ZNF746: variants seen among roughly 807,000 people sequenced by gnomAD.
ZNF746 encodes zinc finger protein 746, also known as parkin-interacting substrate.
In ZNF746, 13 loss-of-function variants were observed where a neutral mutation model predicts 41.0. The observed-to-expected ratio is 0.32, with a 90% CI of 0.21 to 0.50. ZNF746 has a LOEUF of 0.50. ZNF746 is among the 20% of genes least tolerant of loss of function. ZNF746 has a pLI of 0.98. For missense variants in ZNF746, 811 were observed against 922.9 expected (o/e 0.88, Z 1.57); for synonymous variants, 424 against 396.2 (o/e 1.07, Z -0.83).
rs772502806 is a variant in ZNF746, at chr7:149,474,708, G to A, written c.1659C>T (p.Pro553=). The change falls in exon 7 of 7, where the codon CCC becomes CCT. Residue 553 remains proline, a synonymous_variant. Transcript: ENST00000458143. The surrounding 1 kb of genome is among the most constrained non-coding windows in gnomAD (Gnocchi z 6.3). ...RHRMLHTGER[P]FPCTECEKRF... ...GCTTCTCACACTCGGTGCAGGGGAA[G>A]GGCCGCTCGCCGGTGTGCAGCATGC... is the stretch of plus-strand genomic sequence containing the variant. 3 of 1,612,438 alleles carry A rather than the reference G, an allele frequency of 1.9e-6. No homozygotes were observed. Among genetic ancestry groups the A allele is most frequent in the Admixed American group, 3.3e-5 (2 of 59,948 alleles).
intron 4 of ZNF746, chr7:149,491,206 G>A (rs945970091): frequency 2.6e-5 from 4 of 152,554 alleles, no homozygotes; most frequent in African/African-American, 9.6e-5. Flanking sequence ...GGCTCAGGAT[G>A]GACAGTGGAG....
rs1433128641 is a variant in ZNF746, at chr7:149,475,213, G to C, written c.1154C>G (p.Pro385Arg). 1 of 1,613,076 alleles carries C rather than the reference G, an allele frequency of 6.2e-7. No individual in the cohort carries two copies. The highest frequency in any genetic ancestry group is 2.2e-5 in the East Asian group (1 of 44,808). The change falls in exon 7 of 7, where the codon CCT becomes CGT. Residue 385 changes from proline (P) to arginine (R), a missense_variant. By Grantham distance (103) the Pro-to-Arg change is moderately radical. Transcript: ENST00000458143. Reference sequence around the variant, plus strand: ...GACCCCTCCGAAGAGCCAGTCCCCAGGAGGGGTCTCCTCCTGGGCCACAGC... The same window carrying C: ...GACCCCTCCGAAGAGCCAGTCCCCACGAGGGGTCTCCTCCTGGGCCACAGC... ...SPAVAQEETPPGDWLFGGVRW... is the reference protein window; with the variant it reads ...SPAVAQEETPRGDWLFGGVRW...
At chr7:149,483,863 C>A (rs1209137735) in intron 4 of ZNF746, among the ~76,000 whole-genome samples, 1 of 151,852 alleles carries the variant, frequency 6.6e-6, no homozygotes, top group Non-Finnish European at 1.5e-5. Flanking sequence ...CACCAATAAC[C>A]AATTGGAAGA....
intron 4 of ZNF746, among the ~76,000 whole-genome samples, chr7:149,482,473 T>TG (rs1204149264): frequency 1.3e-5 from 2 of 151,822 alleles, no homozygotes; most frequent in Non-Finnish European, 1.5e-5. Context: ...TAAGGTTTTT[T>TG]TTTTTTTTTG....
At position 149,474,294 on chromosome 7, in the gene ZNF746, G is replaced by T; in HGVS notation, c.*90C>A. 1 of 1,449,740 alleles carries T rather than the reference G, an allele frequency of 6.9e-7. No individual in the cohort carries two copies. Among genetic ancestry groups the T allele is most frequent in the Non-Finnish European group, 9.4e-7 (1 of 1,066,738 alleles). The allele number at this position is 1,449,740 out of a possible 1,614,324, so 89.8% of individuals were successfully genotyped here. A position where few individuals can be genotyped will look rare whatever the true frequency, so the allele number is the denominator to read the frequency against. ...TTGGACATTTGGTTCTCCCCGTCCC[G>T]CGTCTGCCTGAAGCTTCCACGCCGC... On this transcript the variant is annotated 3_prime_UTR_variant, in exon 7 of 7. Transcript: ENST00000458143. This position sits in a 1 kb window ranked among gnomAD's most constrained non-coding sequence, Gnocchi z 6.3.
chr7:149,496,869 C>T lies in ZNF746; in HGVS notation c.24+644G>A, dbSNP rs554616907. 1.9e-5 allele frequency: 19 copies of T among 985,374 alleles called. No individual in the cohort carries two copies. In the South Asian group the frequency reaches 6.6e-4, roughly 34 times the overall value. The allele number at this position is 985,374 out of a possible 1,614,324, so 61.0% of individuals were successfully genotyped here. The stretch of plus-strand genomic sequence containing the variant: ...CCTGCCTGGTCCTTGAACACACAGC[C>T]ACTGTGTGTCTTTTCACACTTTCCA... On this transcript the variant is annotated intron_variant, in intron 1 of 6. Transcript: ENST00000458143.
Position 149,474,388 on chromosome 7 carries a change from A to T in ZNF746, c.1979T>A (p.Met660Lys), listed in dbSNP as rs1346089824. ...GGGCTATGGGGCTGGAGGCGCTCAC[A>T]TGTCCCCGCCATCGGTGGGTCCCAG... The part of the protein sequence containing the change: ...SVLGPTDGGD[M>K] Residue 660 changes from methionine to lysine, a missense_variant, in exon 7 of 7, where the codon ATG (methionine) becomes AAG (lysine). Met to Lys is a moderately conservative substitution (Grantham distance 95, BLOSUM62 -1). Transcript: ENST00000458143. This position sits in a 1 kb window ranked among gnomAD's most constrained non-coding sequence, Gnocchi z 6.3. The T allele has an allele frequency of 1.2e-6, 2 of 1,604,424 alleles. No individual in the cohort carries two copies. The highest frequency in any genetic ancestry group is 2.2e-5 in the East Asian group (1 of 44,446).
At position 149,474,112 on chromosome 7, in the gene ZNF746, T is replaced by TA. The variant is rs200631410; in HGVS notation, c.*271dup. On this transcript the variant is annotated 3_prime_UTR_variant, in exon 7 of 7. Coordinates refer to ENST00000458143, the MANE Select transcript of ZNF746 (RefSeq NM_001394198.1). The surrounding 1 kb of genome is among the most constrained non-coding windows in gnomAD (Gnocchi z 6.3). ...ATTTTCCAGCTTTTTCCTCAAGAAT[T>TA]AAAAAAAAACAAAAAACAAAAAACA... 5,203 of 475,036 alleles carry TA rather than the reference T, an allele frequency of 0.011. 78 individuals are homozygous for TA. The highest frequency in any genetic ancestry group is 0.063 in the South Asian group (2,450 of 39,194). The allele number at this position is 475,036 out of a possible 1,614,324, so 29.4% of individuals were successfully genotyped here. A position where few individuals can be genotyped will look rare whatever the true frequency, so the allele number is the denominator to read the frequency against.
At chr7:149,477,885 G>C (rs1156911276) in intron 4 of ZNF746, 130 bp from the exon 5 acceptor site, 2 of 709,360 alleles carry the variant, frequency 2.8e-6, no homozygotes, top group African/African-American at 1.8e-5. Context: ...TGGTGGGAAG[G>C]GAGGCAGCAG....
chr7:149,481,607 AACTCATATAC>A (rs1800487746), intron 4 of ZNF746, among the ~76,000 whole-genome samples: 1 of 152,214 alleles, frequency 6.6e-6, no homozygotes, highest in South Asian at 2.1e-4. Flanking sequence ...AACACATATA[AACTCATATAC>A]ACACACAAAC....
chr7:149,475,532 C>T (rs781627604), intron 6 of ZNF746, 49 bp from the exon 7 acceptor site: 9 of 1,526,708 alleles, frequency 5.9e-6, no homozygotes, highest in Admixed American at 5.8e-5. Flanking sequence ...AACTGCTGAG[C>T]GAGCCACGAT....
intron 4 of ZNF746, chr7:149,491,954 C>A (rs1211306329): frequency 1.0e-5 from 7 of 702,848 alleles, no homozygotes; most frequent in Non-Finnish European, 1.8e-5. Flanking sequence ...ACGCTGATAT[C>A]TGGTAACAAG....
At chr7:149,496,736 T>C (rs1801008981) in intron 1 of ZNF746, 1 of 807,382 alleles carries the variant, frequency 1.2e-6, no homozygotes. Context: ...TGGACAGCGG[T>C]ACCAAGAGGC....
At chr7:149,492,665 A>G (rs907202025) in intron 4 of ZNF746, among the ~76,000 whole-genome samples, 194 bp downstream of exon 4, 5 of 152,078 alleles carry the variant, frequency 3.3e-5, no homozygotes, top group Admixed American at 2.0e-4. Context: ...TCCCTGACAG[A>G]AAGTGTTCAT....
Position 149,474,586 on chromosome 7 carries a change from T to C in ZNF746, c.1781A>G (p.Lys594Arg), listed in dbSNP as rs1402531258. The C allele has an allele frequency of 1.9e-6, 3 of 1,612,370 alleles. No homozygotes were observed. The highest frequency in any genetic ancestry group is 2.5e-6 in the Non-Finnish European group (3 of 1,179,028). The change falls in exon 7 of 7, where the codon AAG (lysine) becomes AGG (arginine). Residue 594 changes from lysine (K) to arginine (R), a missense_variant. Around this residue, in one of 4 missense-constraint regions of ZNF746, gnomAD observed 70 missense variants for 127.6 expected, o/e 0.55. Transcript: ENST00000458143. The surrounding 1 kb of genome is among the most constrained non-coding windows in gnomAD (Gnocchi z 6.3). ...CTVCGKSFIRKDHLRKHQRNH... is the reference protein window; with the variant it reads ...CTVCGKSFIRRDHLRKHQRNH... ...GCGCTGGTGCTTGCGGAGGTGGTCC[T>C]TGCGGATGAAGCTTTTGCCGCAGAC...
chr7:149,480,443 G>GT (rs199574665), intron 4 of ZNF746, among the ~76,000 whole-genome samples: 1 of 152,062 alleles, frequency 6.6e-6, no homozygotes, highest in Non-Finnish European at 1.5e-5. Context: ...TTGTTTGTTT[G>GT]TTTGTTTGAG....
At chr7:149,478,695 T>C (rs1372717789) in intron 4 of ZNF746, among the ~76,000 whole-genome samples, 1 of 152,126 alleles carries the variant, frequency 6.6e-6, no homozygotes, top group Non-Finnish European at 1.5e-5. Context: ...ATGGCAGAGT[T>C]CACTCCCAAG....
rs893069976 is a variant in ZNF746, at chr7:149,497,167, G to A, written c.24+346C>T. The A allele has an allele frequency of 3.9e-5, 38 of 985,214 alleles. No individual in the cohort carries two copies. The highest frequency in any genetic ancestry group is 1.9e-4 in the South Asian group (4 of 21,282). 61.0% of individuals were successfully genotyped at this position (985,214 alleles called of 1,614,324 possible). ...GGAGATGGAGAGGGACCTACAGGCC[G>A]AGCGCCAGGCAGAGAAAGGAGCCGC... On this transcript the variant is annotated intron_variant, in intron 1 of 6. Transcript: ENST00000458143. The surrounding 1 kb of genome is among the most constrained non-coding windows in gnomAD (Gnocchi z 4.2).
chr7:149,497,452 CG>C lies in ZNF746; in HGVS notation c.24+60del. On this transcript the variant is annotated intron_variant, in intron 1 of 6. Coordinates refer to ENST00000458143, the MANE Select transcript of ZNF746 (RefSeq NM_001394198.1). The surrounding 1 kb of genome is among the most constrained non-coding windows in gnomAD (Gnocchi z 4.2). ...CCCCAGGGCCTGCGGCGCCGTGTGC[CG>C]GGGCCGGGCCGCCTGGGGCCCCCAG... is the stretch of plus-strand genomic sequence containing the variant. The C allele has an allele frequency of 9.3e-7, 1 of 1,069,590 alleles. No individual in the cohort carries two copies. Among genetic ancestry groups the C allele is most frequent in the Non-Finnish European group, 1.1e-6 (1 of 888,144 alleles). The allele number at this position is 1,069,590 out of a possible 1,614,324, so 66.3% of individuals were successfully genotyped here. A position where few individuals can be genotyped will look rare whatever the true frequency, so the allele number is the denominator to read the frequency against.
Sources: gnomAD v4.1 joint callset for allele counts (sites outside exome capture counted in the v4.1 genomes callset) on GRCh38, gnomAD v4.1.1 for gene constraint, gnomAD v4.1.1 regional missense constraint, Gnocchi (gnomAD v3.1) non-coding constraint, MANE v1.5 for transcripts, NCBI Gene and HGNC (gene_info 2026-07-23, HGNC 2026-07-21) for gene names.